Variants in FOXP1 observed in about 807,000 individuals in gnomAD.
FOXP1 encodes the protein forkhead box P1.
FOXP1 carries 15 observed loss-of-function variants against 98.2 expected under a neutral mutation model. The ratio of observed to expected loss-of-function variants is 0.15; its 90% confidence interval spans 0.10 to 0.24. The LOEUF (loss-of-function observed/expected upper bound fraction) is 0.24. FOXP1 is among the 10% of genes least tolerant of loss of function. The pLI is 1.00. For synonymous variants in FOXP1, 371 were observed against 314.5 expected, an observed-to-expected ratio of 1.18 and a Z score of -1.90; for missense variants, 633 against 848.5, an observed-to-expected ratio of 0.75 and a Z score of 3.15.
At chr3:71,063,438 A>G (rs1212634281) in intron 7 of FOXP1, among the ~76,000 whole-genome samples, 1 of 152,252 alleles carries the variant, frequency 6.6e-6, no homozygotes, top group Admixed American at 6.5e-5. Flanking sequence ...TGGCAGTGAC[A>G]TGCTAGCTTG....
chr3:70,967,700 GTT>G (rs1553657848), intron 19 of FOXP1, among the ~76,000 whole-genome samples: 2 of 63,628 alleles, frequency 3.1e-5, no homozygotes, highest in African/African-American at 1.1e-4. Flanking sequence ...TTTTTTTTTT[GTT>G]TTTTTTTGTT....
At chr3:71,168,230 T>C (rs1039608693) in intron 6 of FOXP1, among the ~76,000 whole-genome samples, 2 of 152,124 alleles carry the variant, frequency 1.3e-5, no homozygotes, top group Non-Finnish European at 1.5e-5. Flanking sequence ...CAGTTTATTA[T>C]AGAAACTGAT....
At chr3:70,971,797 T>C (rs1342509297) in intron 18 of FOXP1, 3 of 406,794 alleles carry the variant, frequency 7.4e-6, no homozygotes, top group East Asian at 7.3e-5. Flanking sequence ...ATAGAACGAA[T>C]ATTTGCATTA....
At chr3:71,096,123 T>C (rs2056431333) in intron 7 of FOXP1, among the ~76,000 whole-genome samples, 1 of 152,196 alleles carries the variant, frequency 6.6e-6, no homozygotes, top group Non-Finnish European at 1.5e-5. Flanking sequence ...TGACTATAGA[T>C]GGCTTGCATT....
chr3:71,210,012 G>A (rs1469084377), intron 5 of FOXP1, among the ~76,000 whole-genome samples: 1 of 152,036 alleles, frequency 6.6e-6, no homozygotes, highest in Non-Finnish European at 1.5e-5. Flanking sequence ...CTGTCTGCTG[G>A]ATATCCAAAG....
intron 11 of FOXP1, among the ~76,000 whole-genome samples, chr3:71,023,484 T>TA (rs1228211498): frequency 2.0e-5 from 3 of 152,348 alleles, no homozygotes; most frequent in Admixed American, 6.5e-5. Flanking sequence ...AAGCTACACT[T>TA]ACGCTACAAT....
intron 4 of FOXP1, among the ~76,000 whole-genome samples, chr3:71,339,407 A>G (rs35131918): frequency 0.48 from 73,702 of 152,056 alleles, 18,583 homozygotes; most frequent in East Asian, 0.73. Flanking sequence ...TCATTCCCAC[A>G]CTCAGATTAG....
chr3:71,437,219 C>T (rs563632853), intron 3 of FOXP1, among the ~76,000 whole-genome samples: 1 of 152,134 alleles, frequency 6.6e-6, no homozygotes, highest in African/African-American at 2.4e-5. Context: ...CCAACCTGGG[C>T]AACATGATGA....
chr3:71,324,429 T>C (rs960219110), intron 4 of FOXP1, among the ~76,000 whole-genome samples: 1 of 152,180 alleles, frequency 6.6e-6, no homozygotes, highest in African/African-American at 2.4e-5. Context: ...TGGAATACTA[T>C]GCAGCCATAA....
At chr3:71,285,309 A>G (rs1576767097) in intron 5 of FOXP1, among the ~76,000 whole-genome samples, 1 of 152,358 alleles carries the variant, frequency 6.6e-6, no homozygotes. Context: ...AGTGTAGTCA[A>G]CTAAATTCTC....
chr3:70,980,604 A>C (rs1271852618), intron 14 of FOXP1, among the ~76,000 whole-genome samples: 1 of 152,200 alleles, frequency 6.6e-6, no homozygotes, highest in Non-Finnish European at 1.5e-5. Context: ...TAATCATCTT[A>C]TGCCTAGTTA....
chr3:71,066,495 TA>T (rs2052531503), intron 7 of FOXP1, among the ~76,000 whole-genome samples: 1 of 152,200 alleles, frequency 6.6e-6, no homozygotes, highest in South Asian at 2.1e-4. Context: ...AGAAGGACCT[TA>T]AATCTGCCAG....
At chr3:71,486,086 G>T (rs1038836452) in intron 3 of FOXP1, among the ~76,000 whole-genome samples, 3 of 151,986 alleles carry the variant, frequency 2.0e-5, no homozygotes, top group Admixed American at 2.0e-4. Context: ...ATGTCCTCAT[G>T]GTTAAGACAA....
At chr3:71,306,649 A>C (rs995083566) in intron 4 of FOXP1, among the ~76,000 whole-genome samples, 4 of 150,732 alleles carry the variant, frequency 2.7e-5, no homozygotes, top group Non-Finnish European at 5.9e-5. Context: ...AAAAAAAAAA[A>C]AAAAAAACGC....
intron 5 of FOXP1, among the ~76,000 whole-genome samples, chr3:71,253,569 A>G (rs1469134165): frequency 6.6e-6 from 1 of 152,194 alleles, no homozygotes; most frequent in African/African-American, 2.4e-5. Flanking sequence ...CCCAGTACTC[A>G]GCATGTGCTA....
In FOXP1 at chr3:71,026,884, G is replaced by A. The variant is rs11926076; in HGVS notation, c.870-11231C>T. Among the ~76,000 whole-genome samples the A allele has an allele frequency of 6.1e-3, 924 of 152,304 alleles. 13 individuals carry two copies. Among genetic ancestry groups the A allele is most frequent in the African/African-American group, 0.021 (889 of 41,562 alleles). ...CAATGCAATCGCAAACAGAGCAGGT[G>A]ATGACAAGCACAAAATGCCTGTATT... On this transcript the variant is annotated intron_variant, in intron 11 of 20. Coordinates refer to ENST00000649528, the MANE Select transcript of FOXP1 (RefSeq NM_001349338.3).
chr3:71,240,994 A>C (rs2067229156), intron 5 of FOXP1, among the ~76,000 whole-genome samples: 1 of 151,448 alleles, frequency 6.6e-6, no homozygotes, highest in African/African-American at 2.4e-5. Flanking sequence ...GCGGATCACG[A>C]GGTCAGGAGT....
chr3:71,474,172 C>G (rs554166191), intron 3 of FOXP1, among the ~76,000 whole-genome samples: 1 of 151,774 alleles, frequency 6.6e-6, no homozygotes, highest in South Asian at 2.1e-4. Flanking sequence ...CACAATAGCA[C>G]GAGAATTAGT....
At chr3:71,238,311 TAC>T (rs1026558904) in intron 5 of FOXP1, among the ~76,000 whole-genome samples, 16 of 152,166 alleles carry the variant, frequency 1.1e-4, no homozygotes, top group African/African-American at 3.6e-4. Flanking sequence ...AGGGACAAAT[TAC>T]AGTTACCTTG....
Sources: allele counts gnomAD v4.1 joint callset (sites outside exome capture counted in the v4.1 genomes callset), GRCh38; gene constraint gnomAD v4.1.1; transcripts MANE v1.5; gene names NCBI Gene and HGNC (gene_info 2026-07-23, HGNC 2026-07-21).